The following SDK1 variants were observed in gnomAD, a reference collection of about 807,000 sequenced individuals.
SDK1 encodes the protein protein sidekick-1.
Under a neutral mutation model 245.5 loss-of-function variants are expected in SDK1, and 157 were observed. The ratio of observed to expected loss-of-function variants is 0.64; its 90% confidence interval spans 0.56 to 0.73. SDK1 has a LOEUF of 0.73. Ranked by LOEUF, SDK1 falls within the 30% of genes least tolerant of loss-of-function variation. SDK1 has a pLI of 0.00. For missense variants in SDK1, 3,583 were observed against 3,002.3 expected (o/e 1.19, Z -4.52); for synonymous variants, 1,647 against 1,278.5 (o/e 1.29, Z -6.15).
At chr7:3,429,126 A>C (rs78804871) in intron 1 of SDK1, among the ~76,000 whole-genome samples, 6,966 of 152,274 alleles carry the variant, frequency 0.046, 485 homozygotes, top group African/African-American at 0.15. Flanking sequence ...AATAATGAGA[A>C]GGCTCAGTTT....
At position 4,079,604 on chromosome 7, in the gene SDK1, G is replaced by C; in HGVS notation, c.3324+20G>C. 6.2e-7 allele frequency: 1 copy of C among 1,613,816 alleles called. No individual in the cohort carries two copies. The highest frequency in any genetic ancestry group is 8.5e-7 in the Non-Finnish European group (1 of 1,179,752). ...GGGCAGGTACGTGTGTCGTTAGACT[G>C]GGAGCTGGCATTTGCGAAGAGCAGT... On this transcript the variant is annotated intron_variant, in intron 22 of 44. Coordinates refer to ENST00000404826, the MANE Select transcript of SDK1 (RefSeq NM_152744.4).
chr7:4,225,635 C>A (rs1785392447), intron 40 of SDK1, among the ~76,000 whole-genome samples: 1 of 152,174 alleles, frequency 6.6e-6, no homozygotes, highest in Non-Finnish European at 1.5e-5. Context: ...GGGAGCCTGG[C>A]AGGCCGTGCG....
intron 1 of SDK1, among the ~76,000 whole-genome samples, chr7:3,595,420 C>G (rs1042018132): frequency 3.3e-5 from 5 of 151,942 alleles, no homozygotes; most frequent in African/African-American, 1.2e-4. Flanking sequence ...TAACAGTTAT[C>G]TGGACTTTGC....
rs562657246 is a variant in SDK1, at chr7:4,088,404, A to G, written c.3324+8820A>G. Among the ~76,000 whole-genome samples the G allele has an allele frequency of 9.2e-5, 14 of 152,312 alleles. No individual in the cohort carries two copies. In the East Asian group the frequency reaches 2.5e-3, roughly 27 times the overall value. On this transcript the variant is annotated intron_variant, in intron 22 of 44. Coordinates refer to ENST00000404826, the MANE Select transcript of SDK1 (RefSeq NM_152744.4). ...TATCGAATTGGGACAATGATAGAAG[A>G]CAATCTTTGTTTTGTCACTCTAAAG... is the stretch of plus-strand genomic sequence containing the variant.
chr7:3,492,355 A>G (rs946037802), intron 1 of SDK1, among the ~76,000 whole-genome samples: 6 of 152,148 alleles, frequency 3.9e-5, no homozygotes, highest in African/African-American at 1.4e-4. Flanking sequence ...TTAGCCAGGC[A>G]TGGTGGCAGG....
chr7:3,432,065 G>C (rs1779863416), intron 1 of SDK1, among the ~76,000 whole-genome samples: 1 of 150,168 alleles, frequency 6.7e-6, no homozygotes, highest in Non-Finnish European at 1.5e-5. Context: ...CAATAACTCA[G>C]TCAGTCTGTG....
At chr7:3,717,247 T>G (rs1341474448) in intron 4 of SDK1, among the ~76,000 whole-genome samples, 1 of 152,174 alleles carries the variant, frequency 6.6e-6, no homozygotes, top group Non-Finnish European at 1.5e-5. Context: ...GCATAGTATG[T>G]TCTGTAAAAA....
chr7:3,710,376 A>T (rs917289902), intron 4 of SDK1, among the ~76,000 whole-genome samples: 4 of 152,182 alleles, frequency 2.6e-5, no homozygotes, highest in African/African-American at 9.7e-5. Flanking sequence ...CTGTTGTTTC[A>T]TGTTATTTTA....
At chr7:4,209,339 G>A (rs978921353) in intron 37 of SDK1, among the ~76,000 whole-genome samples, 3 of 152,220 alleles carry the variant, frequency 2.0e-5, no homozygotes, top group Non-Finnish European at 2.9e-5. Context: ...AGGGGCACCA[G>A]GGCGAGGAGA....
At chr7:3,939,204 G>A (rs1384032827) in intron 5 of SDK1, among the ~76,000 whole-genome samples, 1 of 152,236 alleles carries the variant, frequency 6.6e-6, no homozygotes, top group African/African-American at 2.4e-5. Flanking sequence ...GGTTGGGTTT[G>A]TGAGGGGGCC....
chr7:3,647,082 G>A (rs1782862222), intron 4 of SDK1, among the ~76,000 whole-genome samples: 1 of 152,150 alleles, frequency 6.6e-6, no homozygotes, highest in Non-Finnish European at 1.5e-5. Context: ...ATACTTAAAA[G>A]TGGTTAAAAT....
intron 35 of SDK1, among the ~76,000 whole-genome samples, chr7:4,183,249 C>T (rs1312435655): frequency 6.6e-6 from 1 of 152,136 alleles, no homozygotes; most frequent in African/African-American, 2.4e-5. Context: ...ATTGTAGTTT[C>T]TATAATAGTG....
chr7:3,886,351 A>G (rs1781338680), intron 5 of SDK1, among the ~76,000 whole-genome samples: 1 of 152,254 alleles, frequency 6.6e-6, no homozygotes, highest in Non-Finnish European at 1.5e-5. Flanking sequence ...GTCGGCCAGC[A>G]TGCGCTGTAC....
Position 4,204,997 on chromosome 7 carries a change from G to GAT in SDK1, c.5099-882_5099-881insAT, listed in dbSNP as rs1368966051. ...GAGGTGCGGCCACACCCCTAATGGC[G>GAT]GTGTGGTAAGGCGCGGAGGTGCGGC... On this transcript the variant is annotated intron_variant, in intron 35 of 44. Coordinates refer to ENST00000404826, the MANE Select transcript of SDK1 (RefSeq NM_152744.4). Among the ~76,000 whole-genome samples, 560 of 151,316 alleles carry GAT rather than the reference G, an allele frequency of 3.7e-3. 35 individuals are homozygous for GAT. Among genetic ancestry groups the GAT allele is most frequent in the East Asian group, 4.9e-3 (25 of 5,132 alleles).
At position 4,210,134 on chromosome 7, in the gene SDK1, G is replaced by A. The variant is rs774775762; in HGVS notation, c.5511G>A (p.Val1837=). The change falls in exon 38 of 45, where the codon GTG becomes GTA. Residue 1837 remains valine (V), a synonymous_variant. Coordinates refer to ENST00000404826, the MANE Select transcript of SDK1 (RefSeq NM_152744.4). ...AANGILQGYR[V]VYEPLAPVQG... is the part of the protein sequence containing the mutation. ...ACGGCATCCTGCAGGGCTATCGGGT[G>A]GTGTACGAGCCCTTGGCCCCTGTAC... 2 of 1,600,166 alleles carry A rather than the reference G, an allele frequency of 1.2e-6. No individual in the cohort carries two copies. The highest frequency in any genetic ancestry group is 2.3e-5 in the East Asian group (1 of 44,104).
rs1318816379 is a variant in SDK1, at chr7:3,438,850, T to TA, written c.298+136966_298+136967insA. Among the ~76,000 whole-genome samples the TA allele has an allele frequency of 3.1e-4, 8 of 26,042 alleles. 1 individual carries two copies. The highest frequency in any genetic ancestry group is 1.5e-3 in the South Asian group (1 of 684). The allele number at this position is 26,042 out of a possible 152,430, so 17.1% of individuals were successfully genotyped here. A position where few individuals can be genotyped will look rare whatever the true frequency, so the allele number is the denominator to read the frequency against. On this transcript the variant is annotated intron_variant, in intron 1 of 44. Transcript: ENST00000404826. The stretch of plus-strand genomic sequence containing the variant: ...TGTTTTCTTCCCCTTTGTATTAATA[T>TA]TTTTTTTTTTTTTTTTTTTGAGATG...
intron 4 of SDK1, among the ~76,000 whole-genome samples, chr7:3,653,986 C>T (rs566455557): frequency 3.9e-4 from 59 of 152,152 alleles, no homozygotes; most frequent in Non-Finnish European, 7.1e-4. Flanking sequence ...TGCTATATGC[C>T]GCCCCTCAAA....
intron 1 of SDK1, among the ~76,000 whole-genome samples, chr7:3,540,725 G>T (rs778503304): frequency 6.6e-6 from 1 of 152,144 alleles, no homozygotes; most frequent in Non-Finnish European, 1.5e-5. Context: ...GACCAAACTT[G>T]CTTTTAAAGT....
At chr7:3,303,405 CTG>C (rs1359342136) in intron 1 of SDK1, among the ~76,000 whole-genome samples, 1 of 152,054 alleles carries the variant, frequency 6.6e-6, no homozygotes, top group Non-Finnish European at 1.5e-5. Context: ...GGTGCACAGA[CTG>C]AAATGGTGGG....
Sources: gnomAD v4.1 joint callset for allele counts (sites outside exome capture counted in the v4.1 genomes callset) on GRCh38, gnomAD v4.1.1 for gene constraint, MANE v1.5 for transcripts, NCBI Gene and HGNC (gene_info 2026-07-23, HGNC 2026-07-21) for gene names.